LY9: variants seen among roughly 807,000 people sequenced by gnomAD.
LY9 encodes lymphocyte antigen 9.
A neutral mutation model predicts 64.6 loss-of-function variants in LY9; 59 were observed. The ratio of observed to expected loss-of-function variants is 0.91; its 90% CI spans 0.74 to 1.13. The LOEUF is 1.13. LY9 is among the 50% of genes most tolerant of loss of function. The pLI is 0.00. For synonymous variants in LY9, 281 were observed against 308.5 expected (o/e 0.91, Z 0.93); for missense variants, 789 against 797.2 (o/e 0.99, Z 0.12).
intron 2 of LY9, chr1:160,812,886 G>A (rs1468417852): frequency 4.1e-5 from 1 of 24,540 alleles, no homozygotes; most frequent in East Asian, 2.1e-3. Flanking sequence ...AGGAGTTCGA[G>A]ACCAGCCTGG....
intron 2 of LY9, among the ~76,000 whole-genome samples, chr1:160,803,290 ATTT>A (rs55716945): frequency 1.3e-5 from 2 of 151,042 alleles, no homozygotes; most frequent in African/African-American, 4.9e-5. Flanking sequence ...CTAAAAAAAA[ATTT>A]TTTTTTTTAA....
intron 1 of LY9, chr1:160,799,121 G>A (rs1010467866): frequency 6.6e-6 from 1 of 152,490 alleles, no homozygotes. Flanking sequence ...GTCAATCTGA[G>A]ATGCCATGGA....
At position 160,813,770 on chromosome 1, in the gene LY9, C is replaced by T. The variant is rs1285986827; in HGVS notation, c.589C>T (p.His197Tyr). Residue 197 changes from histidine (H) to tyrosine (Y), a missense_variant, in exon 3 of 10, where the codon CAT becomes TAT. His to Tyr is a moderately conservative substitution (Grantham distance 83). Coordinates refer to ENST00000263285, the MANE Select transcript of LY9 (RefSeq NM_002348.4). ...VLYSWTPREP[H>Y]ASESNGGSIL... The stretch of plus-strand genomic sequence containing the variant: ...GTACAGCTGGACCCCAAGGGAACCC[C>T]ATGCTTCTGAGTCCAATGGAGGCTC... 6.2e-7 allele frequency: 1 copy of T among 1,614,042 alleles called. No homozygotes were observed. The highest frequency in any genetic ancestry group is 1.3e-5 in the African/African-American group (1 of 74,910).
chr1:160,822,266 T>C (rs1484590125), intron 7 of LY9, among the ~76,000 whole-genome samples: 1 of 152,076 alleles, frequency 6.6e-6, no homozygotes, highest in Non-Finnish European at 1.5e-5. Flanking sequence ...CGGCTGCTGG[T>C]GAATGCGCTG....
At chr1:160,821,106 CTG>C (rs1225108077) in intron 7 of LY9, among the ~76,000 whole-genome samples, 9 of 142,370 alleles carry the variant, frequency 6.3e-5, no homozygotes, top group African/African-American at 2.4e-4. Flanking sequence ...TGAGCTGAGA[CTG>C]CACCATTGCA....
intron 6 of LY9, among the ~76,000 whole-genome samples, chr1:160,818,940 C>T (rs1192179860): frequency 6.6e-6 from 1 of 152,208 alleles, no homozygotes; most frequent in Non-Finnish European, 1.5e-5. Flanking sequence ...TTATGATTGG[C>T]AGCTCCTCTA....
At chr1:160,800,244 T>C (rs1666318133) in intron 2 of LY9, 162 bp downstream of exon 2, 1 of 603,884 alleles carries the variant, frequency 1.7e-6, no homozygotes. Context: ...CTGTTAAGTA[T>C]AGTCACCCTA....
chr1:160,815,534 A>G (rs954474766), intron 4 of LY9, among the ~76,000 whole-genome samples: 1 of 152,068 alleles, frequency 6.6e-6, no homozygotes. Context: ...CTACAGGCAC[A>G]CGCCACCACA....
chr1:160,820,771 G>T (rs1668361491), intron 7 of LY9, among the ~76,000 whole-genome samples: 1 of 151,300 alleles, frequency 6.6e-6, no homozygotes, highest in South Asian at 2.1e-4. Flanking sequence ...CCTCTCCAAG[G>T]TCTCCTCTTC....
intron 2 of LY9, chr1:160,811,353 A>G (rs1158650390): frequency 1.3e-5 from 2 of 152,214 alleles, no homozygotes; most frequent in Non-Finnish European, 2.9e-5. Flanking sequence ...GTCAAATCTC[A>G]TAACCTCTTT....
At chr1:160,808,892 A>C (rs866039764) in intron 2 of LY9, among the ~76,000 whole-genome samples, 4 of 152,202 alleles carry the variant, frequency 2.6e-5, no homozygotes, top group South Asian at 2.1e-4. Flanking sequence ...AAATATGACT[A>C]CTATATTGAT....
chr1:160,814,866 G>C (rs903924127), intron 4 of LY9, 105 bp downstream of exon 4: 5 of 900,208 alleles, frequency 5.6e-6, no homozygotes, highest in Non-Finnish European at 8.5e-6. Flanking sequence ...CCCTCATACT[G>C]AAATGCCTCA....
chr1:160,803,525 T>C (rs2101752661), intron 2 of LY9, among the ~76,000 whole-genome samples: 1 of 152,322 alleles, frequency 6.6e-6, no homozygotes, highest in Admixed American at 6.5e-5. Flanking sequence ...GTTATACTTG[T>C]TCCTAGGGTT....
intron 4 of LY9, 86 bp from the exon 5 acceptor site, chr1:160,816,508 C>A (rs765899795): frequency 6.3e-5 from 90 of 1,434,580 alleles, no homozygotes; most frequent in Non-Finnish European, 8.2e-5. Context: ...CACTCAGCTT[C>A]ATGAATATAT....
At chr1:160,807,046 T>G (rs1003111442) in intron 2 of LY9, among the ~76,000 whole-genome samples, 18 of 152,244 alleles carry the variant, frequency 1.2e-4, no homozygotes, top group African/African-American at 4.1e-4. Flanking sequence ...TTGTATTTCC[T>G]TCAGTGAAAT....
chr1:160,815,711 A>G (rs1349450503), intron 4 of LY9, among the ~76,000 whole-genome samples: 1 of 152,326 alleles, frequency 6.6e-6, no homozygotes, highest in East Asian at 1.9e-4. Flanking sequence ...ATAAACTATT[A>G]TCATTTTGAA....
Position 160,814,672 on chromosome 1 carries a change from A to C in LY9, c.983A>C (p.Lys328Thr). ...TGCTCCCTGAAGATCAGCCAGCTGA[A>C]GATAGAGGACGCCGGCCCCTACCAT... Reference protein sequence around the residue: ...QDCSLKISQLKIEDAGPYHAY... With the variant: ...QDCSLKISQLTIEDAGPYHAY... Residue 328 changes from lysine to threonine, a missense_variant, in exon 4 of 10, where the codon AAG becomes ACG. Transcript: ENST00000263285. 1 of 1,614,186 alleles carries C rather than the reference A, an allele frequency of 6.2e-7. No individual in the cohort carries two copies. The highest frequency in any genetic ancestry group is 8.5e-7 in the Non-Finnish European group (1 of 1,180,028).
intron 9 of LY9, chr1:160,824,564 C>T (rs1668740485): frequency 1.0e-6 from 1 of 984,536 alleles, no homozygotes; most frequent in Non-Finnish European, 1.2e-6. Context: ...ATCTCTAACC[C>T]TAATCCTAAT....
At chr1:160,822,635 C>A (rs995455898) in intron 7 of LY9, among the ~76,000 whole-genome samples, 1 of 152,140 alleles carries the variant, frequency 6.6e-6, no homozygotes, top group Admixed American at 6.5e-5. Flanking sequence ...TTACTATCTG[C>A]CTAAGTAATT....
Sources: gnomAD v4.1 joint callset for allele counts (sites outside exome capture counted in the v4.1 genomes callset) on GRCh38, gnomAD v4.1.1 for gene constraint, MANE v1.5 for transcripts, NCBI Gene and HGNC (gene_info 2026-07-23, HGNC 2026-07-21) for gene names.